CACNA2D3: variants seen among roughly 807,000 people sequenced by gnomAD.
The protein encoded by CACNA2D3 is calcium voltage-gated channel auxiliary subunit alpha2delta 3, also known as voltage-dependent calcium channel subunit alpha-2/delta-3.
A neutral mutation model predicts 160.6 loss-of-function variants in CACNA2D3; 60 were observed. That is an observed-to-expected ratio of 0.37 (90% CI 0.30 to 0.46). The LOEUF is 0.46. CACNA2D3 is among the 20% of genes least tolerant of loss of function. The pLI is 1.00. For synonymous variants in CACNA2D3, 558 were observed against 492.9 expected, an observed-to-expected ratio of 1.13 and a Z score of -1.75; for missense variants, 1,205 against 1,365.0, an observed-to-expected ratio of 0.88 and a Z score of 1.85.
intron 16 of CACNA2D3, among the ~76,000 whole-genome samples, chr3:54,842,767 G>GT (rs1698845326): frequency 6.6e-6 from 1 of 150,838 alleles, no homozygotes; most frequent in African/African-American, 2.4e-5. Context: ...TGCCTGGCTG[G>GT]TTTTTGTATT....
At chr3:54,588,782 A>G (rs1702808619) in intron 9 of CACNA2D3, among the ~76,000 whole-genome samples, 1 of 152,104 alleles carries the variant, frequency 6.6e-6, no homozygotes, top group Non-Finnish European at 1.5e-5. Context: ...ATGCTGATGA[A>G]GGAAATCAAA....
At chr3:54,267,379 A>G (rs530270463) in intron 2 of CACNA2D3, among the ~76,000 whole-genome samples, 1 of 152,148 alleles carries the variant, frequency 6.6e-6, no homozygotes, top group African/African-American at 2.4e-5. Flanking sequence ...GTTCTGGGCT[A>G]CTCGTTACAA....
At chr3:55,020,128 T>A (rs780649409) in intron 35 of CACNA2D3, among the ~76,000 whole-genome samples, 7 of 151,772 alleles carry the variant, frequency 4.6e-5, no homozygotes, top group African/African-American at 1.7e-4. Flanking sequence ...TACAAAAAAA[T>A]TTTCCTTAGT....
At chr3:54,993,948 GT>G (rs754469348) in intron 31 of CACNA2D3, among the ~76,000 whole-genome samples, 46 of 144,458 alleles carry the variant, frequency 3.2e-4, no homozygotes, top group Admixed American at 5.7e-4. Flanking sequence ...GTTTTGCGTG[GT>G]TTTTGTTGTT....
intron 35 of CACNA2D3, among the ~76,000 whole-genome samples, chr3:55,072,607 G>A (rs1343339579): frequency 2.0e-5 from 3 of 152,220 alleles, no homozygotes; most frequent in Non-Finnish European, 2.9e-5. Context: ...ATGCGATAGG[G>A]GTTCTAACCC....
intron 2 of CACNA2D3, among the ~76,000 whole-genome samples, chr3:54,317,849 T>C (rs960193382): frequency 6.6e-6 from 1 of 152,164 alleles, no homozygotes; most frequent in Non-Finnish European, 1.5e-5. Flanking sequence ...CCAAACTCGC[T>C]TTTATAACAC....
chr3:54,984,581 G>C, intron 29 of CACNA2D3, 27 bp from the exon 30 acceptor site: 1 of 1,397,602 alleles, frequency 7.2e-7, no homozygotes, highest in African/African-American at 1.5e-5. Flanking sequence ...CTGTTTTTTT[G>C]TTTTTGTTTT....
intron 5 of CACNA2D3, among the ~76,000 whole-genome samples, chr3:54,527,971 T>C (rs1701750988): frequency 6.6e-6 from 1 of 152,188 alleles, no homozygotes; most frequent in African/African-American, 2.4e-5. Context: ...TTTTTTCTTC[T>C]TTTTTTAATA....
intron 3 of CACNA2D3, among the ~76,000 whole-genome samples, chr3:54,375,326 T>G (rs1698995090): frequency 6.6e-6 from 1 of 152,204 alleles, no homozygotes; most frequent in Non-Finnish European, 1.5e-5. Context: ...ATGAACACAG[T>G]GCCTGGCACC....
At position 54,406,007 on chromosome 3, in the gene CACNA2D3, C is replaced by A. The variant is rs1324192680; in HGVS notation, c.381+19233C>A. Among the ~76,000 whole-genome samples the A allele has an allele frequency of 5.3e-5, 8 of 152,228 alleles. No homozygotes were observed. In the East Asian group the frequency reaches 1.5e-3, roughly 29 times the overall value. ...ATTAAAACTGTGCAATATCACTTCA[C>A]ACCTGTTAGGATAACTGTTGTCAAA... On this transcript the variant is annotated intron_variant, in intron 4 of 37. Transcript: ENST00000474759.
At chr3:54,229,286 G>T (rs1366067750) in intron 2 of CACNA2D3, among the ~76,000 whole-genome samples, 2 of 152,078 alleles carry the variant, frequency 1.3e-5, no homozygotes, top group Non-Finnish European at 2.9e-5. Flanking sequence ...CTGCCGCCCG[G>T]ATTCATGCCA....
At chr3:54,603,726 C>T (rs138513865) in intron 9 of CACNA2D3, among the ~76,000 whole-genome samples, 25 of 152,220 alleles carry the variant, frequency 1.6e-4, no homozygotes, top group African/African-American at 5.1e-4. Context: ...TTAAAAAGCC[C>T]GACAATTTCT....
At chr3:54,896,895 C>T in intron 26 of CACNA2D3, 25 bp downstream of exon 26, 1 of 1,613,682 alleles carries the variant, frequency 6.2e-7, no homozygotes, top group Non-Finnish European at 8.5e-7. Flanking sequence ...TGGAGGCGGG[C>T]TCTGTCTGTC....
chr3:54,203,157 G>A (rs900976555), intron 2 of CACNA2D3, among the ~76,000 whole-genome samples: 1 of 152,224 alleles, frequency 6.6e-6, no homozygotes, highest in African/African-American at 2.4e-5. Flanking sequence ...AGTGGACTCA[G>A]TAAAGTAGAT....
chr3:54,168,637 T>TA (rs1014857817), intron 2 of CACNA2D3, among the ~76,000 whole-genome samples: 118 of 152,296 alleles, frequency 7.7e-4, no homozygotes, highest in African/African-American at 2.8e-3. Flanking sequence ...CTGCCACTGT[T>TA]ACTGTGGTTG....
rs1011987194 is a variant in CACNA2D3 at position 54,558,291 on chromosome 3, T to G, written c.545-4509T>G. Reference sequence around the variant, plus strand: ...CTTGGCATCCAGCAGGGATCTCTGGTGAGGGTACAGGGCTCTAGGCCAAGG... The same window carrying G: ...CTTGGCATCCAGCAGGGATCTCTGGGGAGGGTACAGGGCTCTAGGCCAAGG... On this transcript the variant is annotated intron_variant, in intron 5 of 37. Transcript: ENST00000474759. 2.0e-5 allele frequency among the ~76,000 whole-genome samples: 3 copies of G among 152,134 alleles called. No individual in the cohort carries two copies. In the East Asian group the frequency reaches 5.8e-4, roughly 29 times the overall value.
At position 54,662,575 on chromosome 3, in the gene CACNA2D3, C is replaced by G. The variant is rs145007949; in HGVS notation, c.1167+20334C>G. Among the ~76,000 whole-genome samples, 67 of 152,248 alleles carry G rather than the reference C, an allele frequency of 4.4e-4. No individual in the cohort carries two copies. The East Asian group carries it at 0.012, about 28-fold the overall frequency. The stretch of plus-strand genomic sequence containing the variant: ...CGTCCATAGGTCGTCCTCCAGAGGC[C>G]CTCACCTTCTCCATATCCAAGCCCC... On this transcript the variant is annotated intron_variant, in intron 11 of 37. Transcript: ENST00000474759.
chr3:54,625,628 A>G (rs958231235), intron 9 of CACNA2D3, among the ~76,000 whole-genome samples: 2 of 151,906 alleles, frequency 1.3e-5, no homozygotes, highest in Non-Finnish European at 2.9e-5. Context: ...GCCCAAGGTG[A>G]GCCACCAGTT....
intron 4 of CACNA2D3, among the ~76,000 whole-genome samples, chr3:54,402,384 A>G (rs574508783): frequency 1.3e-5 from 2 of 152,322 alleles, no homozygotes; most frequent in East Asian, 3.9e-4. Flanking sequence ...GCTACCCACA[A>G]GAAACCCACT....
Sources: gnomAD v4.1 joint callset for allele counts (sites outside exome capture counted in the v4.1 genomes callset) on GRCh38, gnomAD v4.1.1 for gene constraint, MANE v1.5 for transcripts, NCBI Gene and HGNC (gene_info 2026-07-23, HGNC 2026-07-21) for gene names.